The following DCDC1 variants were observed in gnomAD, a reference collection of about 807,000 sequenced individuals.
The protein encoded by DCDC1 is doublecortin domain-containing protein 1.
DCDC1 carries 200 observed loss-of-function variants against 178.3 expected under a neutral mutation model. That is an observed-to-expected ratio of 1.12 (90% confidence interval 1.00 to 1.26). The LOEUF is 1.26. Among genes scored for constraint, DCDC1 ranks in the 50% most tolerant of loss-of-function variants. The probability of loss-of-function intolerance (pLI) is 0.00; values close to 1 mark genes in which losing one functional copy is unlikely to be tolerated. For synonymous variants in DCDC1, 690 were observed against 604.8 expected, an observed-to-expected ratio of 1.14 and a Z score of -2.07; for missense variants, 1,983 against 1,749.2, an observed-to-expected ratio of 1.13 and a Z score of -2.38.
chr11:31,262,190 T>C (rs1944835009), intron 8 of DCDC1, among the ~76,000 whole-genome samples: 1 of 151,962 alleles, frequency 6.6e-6, no homozygotes. Context: ...TTGCTTGAGC[T>C]TGGGAGCTCA....
At chr11:31,216,609 C>T (rs1295637271) in intron 9 of DCDC1, among the ~76,000 whole-genome samples, 1 of 152,194 alleles carries the variant, frequency 6.6e-6, no homozygotes, top group Admixed American at 6.5e-5. Context: ...CCCAGATCAG[C>T]TATGGCATCT....
intron 7 of DCDC1, among the ~76,000 whole-genome samples, chr11:31,290,372 T>C (rs1347719745): frequency 1.3e-5 from 2 of 152,032 alleles, no homozygotes; most frequent in Non-Finnish European, 2.9e-5. Context: ...TAGAATGTTT[T>C]CTCTAGTAGA....
chr11:31,242,901 G>C (rs1415439501), intron 8 of DCDC1, among the ~76,000 whole-genome samples: 1 of 151,808 alleles, frequency 6.6e-6, no homozygotes, highest in Non-Finnish European at 1.5e-5. Flanking sequence ...CAACACTAAG[G>C]AGAATGTTGA....
intron 38 of DCDC1, among the ~76,000 whole-genome samples, chr11:30,871,530 T>C (rs894923924): frequency 2.6e-5 from 4 of 152,194 alleles, no homozygotes; most frequent in African/African-American, 9.6e-5. Flanking sequence ...ACATTTGTTC[T>C]CTTTACTGGC....
At chr11:30,918,247 G>A (rs145730266) in intron 25 of DCDC1, among the ~76,000 whole-genome samples, 78 of 152,228 alleles carry the variant, frequency 5.1e-4, no homozygotes, top group African/African-American at 1.9e-3. Flanking sequence ...TGAACTTCCT[G>A]GCAAATGAGG....
intron 2 of DCDC1, among the ~76,000 whole-genome samples, chr11:31,335,235 G>A (rs1244771545): frequency 6.6e-6 from 1 of 152,186 alleles, no homozygotes; most frequent in Non-Finnish European, 1.5e-5. Flanking sequence ...CTCCTGGTGT[G>A]TCATTTGCTA....
chr11:31,022,148 C>CCT (rs1952914158), intron 20 of DCDC1, among the ~76,000 whole-genome samples: 1 of 152,140 alleles, frequency 6.6e-6, no homozygotes, highest in South Asian at 2.1e-4. Context: ...AAATATCTCA[C>CCT]AGTTCTAGGG....
chr11:31,359,668 A>G (rs1464561578), intron 1 of DCDC1, among the ~76,000 whole-genome samples: 1 of 152,146 alleles, frequency 6.6e-6, no homozygotes, highest in Non-Finnish European at 1.5e-5. Context: ...CTGGGACTGG[A>G]TCACAAAGTT....
At position 31,028,809 on chromosome 11, in the gene DCDC1, CA is replaced by C. The variant is rs1043582964; in HGVS notation, c.2591+35659del. Reference sequence around the variant, plus strand: ...GTGATTAATGATAGCTCTGTATCACCAGGGAGTTTTGTCTATTTAAATCTAA... The same window carrying C: ...GTGATTAATGATAGCTCTGTATCACCGGGAGTTTTGTCTATTTAAATCTAA... On this transcript the variant is annotated intron_variant, in intron 20 of 38. Transcript: ENST00000684477. Among the ~76,000 whole-genome samples the C allele has an allele frequency of 6.6e-5, 10 of 151,990 alleles. 1 individual carries two copies. Among genetic ancestry groups the C allele is most frequent in the Admixed American group, 6.6e-5 (1 of 15,266 alleles).
chr11:31,346,724 T>C (rs967863205), intron 1 of DCDC1, among the ~76,000 whole-genome samples: 3 of 152,182 alleles, frequency 2.0e-5, no homozygotes, highest in Non-Finnish European at 4.4e-5. Context: ...GTGAGTACAA[T>C]ATGATTGGAG....
intron 2 of DCDC1, among the ~76,000 whole-genome samples, chr11:31,328,638 A>G (rs1031738844): frequency 2.0e-5 from 3 of 151,944 alleles, no homozygotes; most frequent in East Asian, 3.9e-4. Context: ...CTCTACTAAA[A>G]ATACAAAATA....
At chr11:31,196,551 C>A (rs998389884) in intron 9 of DCDC1, among the ~76,000 whole-genome samples, 4 of 152,008 alleles carry the variant, frequency 2.6e-5, no homozygotes, top group African/African-American at 9.7e-5. Context: ...CTCAGGGAAA[C>A]CGTTTATTTA....
chr11:31,331,220 C>T (rs1398314276), intron 2 of DCDC1, among the ~76,000 whole-genome samples: 1 of 152,194 alleles, frequency 6.6e-6, no homozygotes, highest in East Asian at 1.9e-4. Context: ...GTGATTTTTG[C>T]ACATTGATTT....
chr11:31,012,213 A>G (rs1490330763), intron 20 of DCDC1, among the ~76,000 whole-genome samples: 2 of 152,178 alleles, frequency 1.3e-5, no homozygotes, highest in Non-Finnish European at 2.9e-5. Context: ...TAAATTACTC[A>G]GTCTCAGGTA....
chr11:31,186,204 G>A (rs1438691819), intron 9 of DCDC1, among the ~76,000 whole-genome samples: 1 of 152,034 alleles, frequency 6.6e-6, no homozygotes, highest in Non-Finnish European at 1.5e-5. Flanking sequence ...TTGTTTCTCA[G>A]AGTTCAGCCC....
chr11:31,101,029 T>C (rs1288921777), intron 15 of DCDC1, among the ~76,000 whole-genome samples: 1 of 152,238 alleles, frequency 6.6e-6, no homozygotes, highest in Non-Finnish European at 1.5e-5. Context: ...TAGATCCATA[T>C]GCTCCTTGAA....
intron 21 of DCDC1, among the ~76,000 whole-genome samples, chr11:30,940,381 T>C (rs1009516406): frequency 6.6e-5 from 10 of 152,256 alleles, no homozygotes; most frequent in Admixed American, 2.0e-4. Flanking sequence ...CAACCCCTCT[T>C]CTTTACCTCT....
intron 20 of DCDC1, among the ~76,000 whole-genome samples, chr11:31,003,024 A>T (rs1951658106): frequency 6.6e-6 from 1 of 151,852 alleles, no homozygotes; most frequent in Non-Finnish European, 1.5e-5. Flanking sequence ...TTCATTCATC[A>T]GTAACATCAT....
intron 9 of DCDC1, among the ~76,000 whole-genome samples, chr11:31,237,822 C>T (rs924147685): frequency 2.0e-5 from 3 of 151,758 alleles, no homozygotes; most frequent in Non-Finnish European, 4.4e-5. Context: ...CATTTTATTC[C>T]GAAGTGCTAA....
Sources: allele counts gnomAD v4.1 joint callset (sites outside exome capture counted in the v4.1 genomes callset), GRCh38; gene constraint gnomAD v4.1.1; transcripts MANE v1.5; gene names NCBI Gene and HGNC (gene_info 2026-07-23, HGNC 2026-07-21).